Variants in GRM3 observed in about 807,000 individuals in gnomAD.
GRM3 encodes the protein glutamate metabotropic receptor 3.
GRM3 carries 26 observed loss-of-function variants against 70.5 expected under a neutral mutation model. The ratio of observed to expected loss-of-function variants is 0.37; its 90% confidence interval spans 0.27 to 0.51. GRM3 has a LOEUF of 0.51. GRM3 is among the 20% of genes least tolerant of loss of function. The pLI is 0.93. For missense variants in GRM3, 859 were observed against 1,123.8 expected (o/e 0.76, Z 3.37); for synonymous variants, 443 against 434.9 (o/e 1.02, Z -0.23).
intron 3 of GRM3, among the ~76,000 whole-genome samples, chr7:86,790,028 C>A (rs1034467011): frequency 6.6e-6 from 1 of 152,126 alleles, no homozygotes; most frequent in Non-Finnish European, 1.5e-5. Context: ...TCCACATTCA[C>A]TCTTCCTTCC....
rs1401536182 is a variant in GRM3, at chr7:86,644,784, C to T, written c.-229C>T. 42 of 1,289,038 alleles carry T rather than the reference C, an allele frequency of 3.3e-5. No homozygotes were observed. Among genetic ancestry groups the T allele is most frequent in the Non-Finnish European group, 3.9e-5 (39 of 988,274 alleles). The allele number at this position is 1,289,038 out of a possible 1,614,324, so 79.9% of individuals were successfully genotyped here. ...CTCTTTTGTGTCGGATGAGGAGGAC[C>T]AACCATGAGCCAGAGCCCGGGTGCA... On this transcript the variant is annotated 5_prime_UTR_variant, in exon 1 of 6. Coordinates refer to ENST00000361669, the MANE Select transcript of GRM3 (RefSeq NM_000840.3).
rs536114533 is a variant in GRM3, at chr7:86,656,690, C to A, written c.-141+11818C>A. Among the ~76,000 whole-genome samples, 427 of 152,060 alleles carry A rather than the reference C, an allele frequency of 2.8e-3. 13 individuals are homozygous for A. The highest frequency in any genetic ancestry group is 4.0e-3 in the Non-Finnish European group (272 of 68,002). ...CCTGTTGTTTTCTACTTGACTAACA[C>A]CCAGATTTAGCAAAGTACCTAGTTT... On this transcript the variant is annotated intron_variant, in intron 1 of 5. Transcript: ENST00000361669.
chr7:86,851,828 T>C (rs1177940626), intron 5 of GRM3, among the ~76,000 whole-genome samples: 1 of 152,158 alleles, frequency 6.6e-6, no homozygotes, highest in African/African-American at 2.4e-5. Context: ...TAGAGAAATA[T>C]GTTGATTTCT....
chr7:86,726,858 G>A (rs1795605100), intron 1 of GRM3, among the ~76,000 whole-genome samples: 1 of 152,160 alleles, frequency 6.6e-6, no homozygotes, highest in African/African-American at 2.4e-5. Flanking sequence ...TCATTCAAGA[G>A]TGATAACTAT....
intron 1 of GRM3, among the ~76,000 whole-genome samples, chr7:86,744,740 T>G (rs1029944533): frequency 1.3e-5 from 2 of 152,070 alleles, no homozygotes; most frequent in African/African-American, 4.8e-5. Context: ...AAAAATAGTG[T>G]TAAGAAACTT....
In GRM3 at chr7:86,762,140, T is replaced by C. The variant is rs143255658; in HGVS notation, c.-140-2866T>C. On this transcript the variant is annotated intron_variant, in intron 1 of 5. Transcript: ENST00000361669. ...GTCTTTTGCCTTCCATGGCAGTTTT[T>C]CTTCAAAGGGAATTGCACGTAAAGA... 8.8e-3 allele frequency among the ~76,000 whole-genome samples: 1,338 copies of C among 152,250 alleles called. 16 individuals are homozygous for C. The highest frequency in any genetic ancestry group is 0.031 in the African/African-American group (1,275 of 41,560).
At chr7:86,725,787 G>A (rs1795578561) in intron 1 of GRM3, among the ~76,000 whole-genome samples, 1 of 152,118 alleles carries the variant, frequency 6.6e-6, no homozygotes, top group African/African-American at 2.4e-5. Flanking sequence ...GGGAGTCCAA[G>A]AATAAGGTAC....
chr7:86,739,552 T>A, intron 1 of GRM3, among the ~76,000 whole-genome samples: 1 of 152,178 alleles, frequency 6.6e-6, no homozygotes, highest in East Asian at 1.9e-4. Flanking sequence ...AATCAGTGGT[T>A]CTCAGAATTG....
At chr7:86,661,857 CTATT>C (rs1209695338) in intron 1 of GRM3, among the ~76,000 whole-genome samples, 6 of 151,814 alleles carry the variant, frequency 4.0e-5, no homozygotes, top group Non-Finnish European at 8.8e-5. Context: ...AATTGATTTA[CTATT>C]TATTATAATT....
At chr7:86,785,737 A>G in intron 2 of GRM3, among the ~76,000 whole-genome samples, 1 of 118,298 alleles carries the variant, frequency 8.5e-6, no homozygotes, top group Non-Finnish European at 1.6e-5. Context: ...TAGATGATAA[A>G]TGTCTAATCT....
At chr7:86,714,980 A>T (rs1795282294) in intron 1 of GRM3, among the ~76,000 whole-genome samples, 1 of 151,710 alleles carries the variant, frequency 6.6e-6, no homozygotes, top group South Asian at 2.1e-4. Flanking sequence ...TAAAAATTTC[A>T]CCTCTCTACT....
intron 1 of GRM3, among the ~76,000 whole-genome samples, chr7:86,757,894 A>G (rs1796386450): frequency 6.6e-6 from 1 of 152,142 alleles, no homozygotes; most frequent in Non-Finnish European, 1.5e-5. Context: ...GACTTCTCCT[A>G]GTAACCATGT....
At chr7:86,693,772 G>A (rs1794748374) in intron 1 of GRM3, among the ~76,000 whole-genome samples, 1 of 152,148 alleles carries the variant, frequency 6.6e-6, no homozygotes, top group African/African-American at 2.4e-5. Flanking sequence ...ATTGCAATGA[G>A]TATTTATTGA....
chr7:86,847,521 TG>T (rs1224765250), intron 4 of GRM3, among the ~76,000 whole-genome samples: 1 of 152,214 alleles, frequency 6.6e-6, no homozygotes, highest in African/African-American at 2.4e-5. Flanking sequence ...CAGTAATAAT[TG>T]ATTTGGACAT....
At chr7:86,682,719 T>A (rs997855522) in intron 1 of GRM3, among the ~76,000 whole-genome samples, 2 of 152,198 alleles carry the variant, frequency 1.3e-5, no homozygotes, top group African/African-American at 2.4e-5. Context: ...AGCATTTTTT[T>A]AATCCAATCA....
intron 1 of GRM3, among the ~76,000 whole-genome samples, chr7:86,733,452 C>T (rs1036911861): frequency 3.3e-5 from 5 of 151,858 alleles, no homozygotes; most frequent in Non-Finnish European, 7.4e-5. Context: ...CCTGAAGGTA[C>T]CAGGAGGACT....
At chr7:86,665,817 A>G (rs1363003487) in intron 1 of GRM3, among the ~76,000 whole-genome samples, 8 of 152,044 alleles carry the variant, frequency 5.3e-5, no homozygotes, top group African/African-American at 1.9e-4. Flanking sequence ...TAGCTTTAAT[A>G]ACTTCTGCAC....
chr7:86,714,313 T>G (rs191799262), intron 1 of GRM3, among the ~76,000 whole-genome samples: 3 of 152,174 alleles, frequency 2.0e-5, no homozygotes, highest in Admixed American at 2.0e-4. Context: ...TTAAACCCTG[T>G]GCTACGTAAA....
intron 2 of GRM3, among the ~76,000 whole-genome samples, chr7:86,784,072 T>C (rs1313730522): frequency 1.3e-5 from 2 of 152,204 alleles, no homozygotes; most frequent in Non-Finnish European, 2.9e-5. Flanking sequence ...ATTGTGCCCC[T>C]TTCCAATGCA....
Sources: allele counts gnomAD v4.1 joint callset (sites outside exome capture counted in the v4.1 genomes callset), GRCh38; gene constraint gnomAD v4.1.1; transcripts MANE v1.5; gene names NCBI Gene and HGNC (gene_info 2026-07-23, HGNC 2026-07-21).